The following NKAIN2 variants were observed in gnomAD, a reference collection of about 807,000 sequenced individuals.
The protein encoded by NKAIN2 is sodium/potassium transporting ATPase interacting 2, also known as sodium/potassium-transporting ATPase subunit beta-1-interacting protein 2.
In NKAIN2, 14 loss-of-function variants were observed where a neutral mutation model predicts 32.6. The ratio of observed to expected loss-of-function variants is 0.43; its 90% confidence interval spans 0.28 to 0.67. NKAIN2 has a LOEUF of 0.67. NKAIN2 is among the 30% of genes least tolerant of loss of function. NKAIN2 has a pLI of 0.17. For synonymous variants in NKAIN2, 80 were observed against 87.2 expected, an observed-to-expected ratio of 0.92 and a Z score of 0.46; for missense variants, 198 against 258.3, an observed-to-expected ratio of 0.77 and a Z score of 1.60.
intron 5 of NKAIN2, among the ~76,000 whole-genome samples, chr6:124,811,999 A>G (rs374276797): frequency 6.6e-6 from 1 of 152,104 alleles, no homozygotes; most frequent in African/African-American, 2.4e-5. Context: ...TTAGGGTCCT[A>G]TAAACTGGCC....
chr6:124,797,420 C>G (rs752130879), intron 5 of NKAIN2, among the ~76,000 whole-genome samples: 1 of 152,032 alleles, frequency 6.6e-6, no homozygotes, highest in Non-Finnish European at 1.5e-5. Flanking sequence ...AAATAATATC[C>G]TAAGGGACTT....
At chr6:124,370,998 C>A (rs1468728919) in intron 3 of NKAIN2, among the ~76,000 whole-genome samples, 2 of 152,128 alleles carry the variant, frequency 1.3e-5, no homozygotes, top group Non-Finnish European at 2.9e-5. Context: ...TTTTCTAACG[C>A]ATTTCTGCAG....
chr6:124,126,374 CA>C (rs1330318850), intron 1 of NKAIN2, among the ~76,000 whole-genome samples: 1 of 152,132 alleles, frequency 6.6e-6, no homozygotes, highest in Non-Finnish European at 1.5e-5. Flanking sequence ...AAATCTCTGC[CA>C]TCTCTTCCTT....
At chr6:123,912,624 ACCT>A (rs1232835825) in intron 1 of NKAIN2, among the ~76,000 whole-genome samples, 3 of 152,026 alleles carry the variant, frequency 2.0e-5, no homozygotes, top group Admixed American at 6.6e-5. Context: ...AGAATCTGGC[ACCT>A]CCTCCTCTCT....
intron 3 of NKAIN2, among the ~76,000 whole-genome samples, chr6:124,498,506 T>A (rs1232683634): frequency 6.6e-6 from 1 of 152,164 alleles, no homozygotes; most frequent in African/African-American, 2.4e-5. Flanking sequence ...TCTATTTTAT[T>A]TAATGTGGCC....
chr6:124,364,250 A>AGAGAG (rs1554288848), intron 3 of NKAIN2, among the ~76,000 whole-genome samples: 4 of 139,748 alleles, frequency 2.9e-5, no homozygotes, highest in African/African-American at 5.3e-5. Flanking sequence ...AAAAAAAAAA[A>AGAGAG]AGAGAGAAAA....
chr6:124,418,178 C>CTGTG (rs1192608014), intron 3 of NKAIN2, among the ~76,000 whole-genome samples: 1 of 141,992 alleles, frequency 7.0e-6, no homozygotes, highest in South Asian at 2.2e-4. Flanking sequence ...GTGTGTGTGT[C>CTGTG]TGTGTGTGTG....
At chr6:124,149,574 A>AT (rs1787592427) in intron 1 of NKAIN2, among the ~76,000 whole-genome samples, 1 of 152,186 alleles carries the variant, frequency 6.6e-6, no homozygotes, top group African/African-American at 2.4e-5. Flanking sequence ...ATGCTTGTTG[A>AT]AAATCAGTTA....
At chr6:123,875,684 C>T (rs376551201) in intron 1 of NKAIN2, among the ~76,000 whole-genome samples, 92 of 151,748 alleles carry the variant, frequency 6.1e-4, no homozygotes, top group Admixed American at 1.1e-3. Flanking sequence ...TAGTTTTATC[C>T]CATATTTCAG....
intron 1 of NKAIN2, among the ~76,000 whole-genome samples, chr6:123,995,768 A>G (rs866668430): frequency 8.7e-4 from 133 of 152,280 alleles, no homozygotes; most frequent in African/African-American, 3.1e-3. Context: ...TCTTGGCTAG[A>G]TGCTGTAATA....
In NKAIN2 at chr6:124,386,028, C is replaced by A. The variant is rs149989380; in HGVS notation, c.273+30681C>A. 3.6e-3 allele frequency among the ~76,000 whole-genome samples: 550 copies of A among 152,136 alleles called. 4 individuals carry two copies. Among genetic ancestry groups the A allele is most frequent in the African/African-American group, 0.012 (505 of 41,476 alleles). ...GTCCTGGGAATATAATCAGTCAATGCAGTCTTTTTTACATTATTAATTGAA... is the reference window on the plus strand; with the variant it reads ...GTCCTGGGAATATAATCAGTCAATGAAGTCTTTTTTACATTATTAATTGAA... On this transcript the variant is annotated intron_variant, in intron 3 of 6. Coordinates refer to ENST00000368417, the MANE Select transcript of NKAIN2 (RefSeq NM_001040214.3).
chr6:123,835,438 A>C (rs1774576829), intron 1 of NKAIN2, among the ~76,000 whole-genome samples: 1 of 152,220 alleles, frequency 6.6e-6, no homozygotes, highest in Non-Finnish European at 1.5e-5. Flanking sequence ...CCATCTATTC[A>C]TGCATAAGTA....
At chr6:123,867,007 A>T (rs929816620) in intron 1 of NKAIN2, among the ~76,000 whole-genome samples, 1 of 152,098 alleles carries the variant, frequency 6.6e-6, no homozygotes, top group Non-Finnish European at 1.5e-5. Flanking sequence ...TGCTTACATA[A>T]ATGACTTCTC....
At chr6:123,882,582 G>T (rs1219816443) in intron 1 of NKAIN2, among the ~76,000 whole-genome samples, 1 of 152,074 alleles carries the variant, frequency 6.6e-6, no homozygotes, top group Non-Finnish European at 1.5e-5. Context: ...TTTCATATAT[G>T]TGTATGTTTG....
intron 1 of NKAIN2, among the ~76,000 whole-genome samples, chr6:124,124,711 C>G (rs1030521266): frequency 6.6e-6 from 1 of 152,048 alleles, no homozygotes; most frequent in Non-Finnish European, 1.5e-5. Flanking sequence ...TTCTTTGTGT[C>G]TCTTATGCAT....
intron 3 of NKAIN2, among the ~76,000 whole-genome samples, chr6:124,651,892 T>C (rs1381211851): frequency 1.3e-5 from 2 of 152,230 alleles, no homozygotes; most frequent in South Asian, 2.1e-4. Context: ...ATCAAATGTG[T>C]ACTTGGCCAT....
At chr6:124,003,865 G>T (rs1027009101) in intron 1 of NKAIN2, among the ~76,000 whole-genome samples, 1 of 152,170 alleles carries the variant, frequency 6.6e-6, no homozygotes, top group Admixed American at 6.5e-5. Flanking sequence ...CAGAGTACAT[G>T]CTTAAATATC....
At chr6:124,664,725 C>T (rs1476308607) in intron 4 of NKAIN2, among the ~76,000 whole-genome samples, 7 of 118,698 alleles carry the variant, frequency 5.9e-5, no homozygotes, top group South Asian at 6.1e-4. Flanking sequence ...ACCCGGGAGG[C>T]GGAGCTTGCA....
chr6:124,000,291 C>T (rs1779821687), intron 1 of NKAIN2, among the ~76,000 whole-genome samples: 1 of 151,948 alleles, frequency 6.6e-6, no homozygotes, highest in South Asian at 2.1e-4. Context: ...AAGTGTAATG[C>T]CCAGAACTTG....
Sources: gnomAD v4.1 joint callset for allele counts (sites outside exome capture counted in the v4.1 genomes callset) on GRCh38, gnomAD v4.1.1 for gene constraint, MANE v1.5 for transcripts, NCBI Gene and HGNC (gene_info 2026-07-23, HGNC 2026-07-21) for gene names.